The following RBM34 variants were observed in gnomAD, a reference collection of about 807,000 sequenced individuals.
The protein encoded by RBM34 is RNA binding motif protein 34, also known as RNA-binding protein 34.
RBM34 carries 39 observed loss-of-function variants against 44.6 expected under a neutral mutation model. The ratio of observed to expected loss-of-function variants is 0.87; its 90% CI spans 0.68 to 1.14. RBM34 has a LOEUF of 1.14. RBM34 is among the 50% of genes most tolerant of loss of function. RBM34 has a pLI of 0.00. For missense variants in RBM34, 572 were observed against 517.9 expected (o/e 1.10, Z -1.01); for synonymous variants, 194 against 184.0 (o/e 1.05, Z -0.44).
At position 235,155,822 on chromosome 1, in the gene RBM34, CATATATATATATATATATATAT is replaced by C. The variant is rs1172462826; in HGVS notation, c.366-732_366-711del. The stretch of plus-strand genomic sequence containing the variant: ...GTCCAGTCTTTTATACATACATATA[CATATATATATATATATATATAT>C]ATATATATATATATATATATATACA... On this transcript the variant is annotated intron_variant, in intron 3 of 10. Transcript: ENST00000408888. Among the ~76,000 whole-genome samples, 308 of 64,182 alleles carry C rather than the reference CATATATATATATATATATATAT, an allele frequency of 4.8e-3. 9 individuals are homozygous for C. The highest frequency in any genetic ancestry group is 8.1e-3 in the East Asian group (15 of 1,860). The allele number at this position is 64,182 out of a possible 152,430, so 42.1% of individuals were successfully genotyped here.
chr1:235,155,822 C>CATATAT lies in RBM34; in HGVS notation c.366-716_366-711dup, dbSNP rs1172462826. Among the ~76,000 whole-genome samples, 469 of 63,712 alleles carry CATATAT rather than the reference C, an allele frequency of 7.4e-3. 20 individuals are homozygous for CATATAT. Among genetic ancestry groups the CATATAT allele is most frequent in the Middle Eastern group, 0.032 (3 of 94 alleles). The allele number at this position is 63,712 out of a possible 152,430, so 41.8% of individuals were successfully genotyped here. ...GTCCAGTCTTTTATACATACATATA[C>CATATAT]ATATATATATATATATATATATATA... On this transcript the variant is annotated intron_variant, in intron 3 of 10. Coordinates refer to ENST00000408888, the MANE Select transcript of RBM34 (RefSeq NM_015014.4).
At chr1:235,158,483 C>T (rs939392302) in intron 3 of RBM34, among the ~76,000 whole-genome samples, 9 of 114,834 alleles carry the variant, frequency 7.8e-5, no homozygotes, top group African/African-American at 1.1e-4. Flanking sequence ...ATGGATCTGA[C>T]GGCACAGTCC....
intron 6 of RBM34, among the ~76,000 whole-genome samples, chr1:235,146,124 G>C (rs372404742): frequency 6.6e-6 from 1 of 151,906 alleles, no homozygotes; most frequent in East Asian, 1.9e-4. Context: ...ATCATGCCCA[G>C]CTAATTTTTT....
Position 235,154,969 on chromosome 1 carries a change from T to C in RBM34, c.509A>G (p.Lys170Arg). 6.2e-7 allele frequency: 1 copy of C among 1,614,142 alleles called. No individual in the cohort carries two copies. The highest frequency in any genetic ancestry group is 1.3e-5 in the African/African-American group (1 of 75,064). Residue 170 changes from lysine to arginine, a missense_variant, in exon 4 of 11, where the codon AAG becomes AGG. Coordinates refer to ENST00000408888, the MANE Select transcript of RBM34 (RefSeq NM_015014.4). ...TTCTTCTTGGTTGATTTGAATTTTCTTTCTTTGACTGACAACTGTGTCTTC... is the reference window on the plus strand; with the variant it reads ...TTCTTCTTGGTTGATTTGAATTTTCCTTCTTTGACTGACAACTGTGTCTTC... ...DTEDTVVSQR[K>R]KIQINQEEER...
At chr1:235,141,885 G>A (rs1169437722) in intron 6 of RBM34, among the ~76,000 whole-genome samples, 1 of 152,128 alleles carries the variant, frequency 6.6e-6, no homozygotes, top group Non-Finnish European at 1.5e-5. Context: ...ACAGACTCCC[G>A]ACGCACCACC....
At chr1:235,155,818 TATAC>T (rs1380012647) in intron 3 of RBM34, among the ~76,000 whole-genome samples, 1 of 87,690 alleles carries the variant, frequency 1.1e-5, no homozygotes, top group African/African-American at 7.5e-5. Flanking sequence ...TATACATACA[TATAC>T]ATATATATAT....
In RBM34 at chr1:235,152,575, T is replaced by C; in HGVS notation, c.657+131A>G. ...GTAGATAGTAAGAGCAACTCTTTTCTTGGGTTAAATTTGAACCTATTGATT... is the reference window on the plus strand; with the variant it reads ...GTAGATAGTAAGAGCAACTCTTTTCCTGGGTTAAATTTGAACCTATTGATT... On this transcript the variant is annotated intron_variant, in intron 5 of 10. Coordinates refer to ENST00000408888, the MANE Select transcript of RBM34 (RefSeq NM_015014.4). 4 of 1,435,916 alleles carry C rather than the reference T, an allele frequency of 2.8e-6. No homozygotes were observed. The South Asian group carries it at 6.3e-5, about 23-fold the overall frequency. The allele number at this position is 1,435,916 out of a possible 1,614,324, so 88.9% of individuals were successfully genotyped here.
At chr1:235,155,505 C>CTT (rs745638640) in intron 3 of RBM34, among the ~76,000 whole-genome samples, 3 of 123,902 alleles carry the variant, frequency 2.4e-5, no homozygotes, top group African/African-American at 6.3e-5. Flanking sequence ...CCACACGTGG[C>CTT]TTTTTTTTTT....
rs766612435 is a variant in RBM34, at chr1:235,154,947, T to C, written c.531A>G (p.Glu177=). 1.9e-6 allele frequency: 3 copies of C among 1,614,142 alleles called. No homozygotes were observed. The highest frequency in any genetic ancestry group is 2.5e-6 in the Non-Finnish European group (3 of 1,180,016). Residue 177 remains glutamate, a synonymous_variant, in exon 4 of 11, where the codon GAA becomes GAG. Coordinates refer to ENST00000408888, the MANE Select transcript of RBM34 (RefSeq NM_015014.4). ...SQRKKIQINQ[E]EERLKNERTV... ...TTCTCTCATTCTTTAATCTCTCTTC[T>C]TCTTGGTTGATTTGAATTTTCTTTC... is the stretch of plus-strand genomic sequence containing the variant.
Position 235,160,961 on chromosome 1 carries a change from C to A in RBM34, c.160G>T (p.Gly54Cys). The A allele has an allele frequency of 6.2e-7, 1 of 1,614,138 alleles. No individual in the cohort carries two copies. The highest frequency in any genetic ancestry group is 8.5e-7 in the Non-Finnish European group (1 of 1,180,020). ...GAACTGAAGAGGGACGCCAGCCGAC[C>A]GGTGCCACCTCTGGAATGGTGTTCG... ...RGEHHSRGGT[G>C]RLASLFSSLE... Residue 54 changes from glycine to cysteine, a missense_variant, in exon 2 of 11, where the codon GGT becomes TGT. Transcript: ENST00000408888.
At chr1:235,151,749 A>C (rs1217565398) in intron 5 of RBM34, among the ~76,000 whole-genome samples, 1 of 152,046 alleles carries the variant, frequency 6.6e-6, no homozygotes, top group Non-Finnish European at 1.5e-5. Context: ...AAACATGAAA[A>C]AGGCTAAGTG....
chr1:235,132,370 A>G (rs563091887), intron 10 of RBM34, among the ~76,000 whole-genome samples: 1 of 152,122 alleles, frequency 6.6e-6, no homozygotes, highest in South Asian at 2.1e-4. Flanking sequence ...GTGCAGTGGC[A>G]CGATCTCGGC....
At chr1:235,141,990 G>A (rs1442250674) in intron 6 of RBM34, among the ~76,000 whole-genome samples, 1 of 152,228 alleles carries the variant, frequency 6.6e-6, no homozygotes. Flanking sequence ...TTCTCTTGAT[G>A]GAGGAGAAGG....
chr1:235,135,120 A>C (rs113574275), intron 10 of RBM34, among the ~76,000 whole-genome samples: 2,042 of 109,498 alleles, frequency 0.019, 11 homozygotes, highest in Middle Eastern at 0.035. Flanking sequence ...TCTCGGCTCA[A>C]TGAAACCTCT....
chr1:235,136,160 C>T (rs1055919785), intron 8 of RBM34, 87 bp from the exon 9 acceptor site: 4 of 1,071,808 alleles, frequency 3.7e-6, no homozygotes, highest in Admixed American at 2.3e-5. Context: ...TCCTTCCCCC[C>T]ATATCTGACA....
intron 6 of RBM34, among the ~76,000 whole-genome samples, chr1:235,140,178 T>A (rs1259383527): frequency 6.6e-6 from 1 of 152,238 alleles, no homozygotes; most frequent in Non-Finnish European, 1.5e-5. Flanking sequence ...GGGCTCCCAC[T>A]TTGACGGCAC....
At chr1:235,140,857 A>G (rs900096230) in intron 6 of RBM34, among the ~76,000 whole-genome samples, 3 of 152,174 alleles carry the variant, frequency 2.0e-5, no homozygotes, top group African/African-American at 4.8e-5. Context: ...GAATGCACCA[A>G]TCGACACTCT....
intron 3 of RBM34, among the ~76,000 whole-genome samples, chr1:235,158,369 T>C (rs1236538019): frequency 6.6e-6 from 1 of 150,740 alleles, no homozygotes; most frequent in Non-Finnish European, 1.5e-5. Flanking sequence ...TGAGCAAAAA[T>C]TGCACTGTTG....
chr1:235,132,148 G>A, intron 10 of RBM34, 151 bp from the exon 11 acceptor site: 3 of 676,638 alleles, frequency 4.4e-6, no homozygotes, highest in South Asian at 4.4e-5. Flanking sequence ...TGCACTCGAA[G>A]TCTCCTCATC....
Sources: gnomAD v4.1 joint callset for allele counts (sites outside exome capture counted in the v4.1 genomes callset) on GRCh38, gnomAD v4.1.1 for gene constraint, MANE v1.5 for transcripts, NCBI Gene and HGNC (gene_info 2026-07-23, HGNC 2026-07-21) for gene names.